The following ASB3 variants were observed in gnomAD, a reference collection of about 807,000 sequenced individuals.
ASB3 encodes the protein ankyrin repeat and SOCS box containing 3, also known as ankyrin repeat and SOCS box protein 3.
A neutral mutation model predicts 54.5 loss-of-function variants in ASB3; 41 were observed. That is an observed-to-expected ratio of 0.75 (90% CI 0.59 to 0.98). ASB3 has a LOEUF of 0.98. ASB3 is among the 50% of genes least tolerant of loss of function. The probability of loss-of-function intolerance (pLI) is 0.00; values close to 1 mark genes in which losing one functional copy is unlikely to be tolerated. For synonymous variants in ASB3, 266 were observed against 221.2 expected (o/e 1.20, Z -1.80); for missense variants, 733 against 620.0 (o/e 1.18, Z -1.94).
intron 8 of ASB3, among the ~76,000 whole-genome samples, chr2:53,696,383 G>A (rs576079954): frequency 6.6e-6 from 1 of 152,146 alleles, no homozygotes; most frequent in Non-Finnish European, 1.5e-5. Flanking sequence ...TTCACAAGTG[G>A]GGGAAAATGG....
chr2:53,758,139 C>G (rs1029754299), intron 2 of ASB3, among the ~76,000 whole-genome samples: 2 of 152,240 alleles, frequency 1.3e-5, no homozygotes, highest in African/African-American at 2.4e-5. Flanking sequence ...TGAAGGTCTT[C>G]TCTGTGACCC....
chr2:53,703,338 C>T (rs775947015), intron 7 of ASB3, among the ~76,000 whole-genome samples: 4 of 152,192 alleles, frequency 2.6e-5, no homozygotes, highest in African/African-American at 7.2e-5. Context: ...GAGGAGACAC[C>T]TTTCCATCAT....
intron 9 of ASB3, among the ~76,000 whole-genome samples, chr2:53,674,893 T>C (rs1668000808): frequency 2.6e-5 from 4 of 151,914 alleles, no homozygotes; most frequent in Admixed American, 2.6e-4. Flanking sequence ...GATTAGGACA[T>C]GAAGTCAAAA....
intron 5 of ASB3, among the ~76,000 whole-genome samples, chr2:53,721,319 C>T (rs1429208163): frequency 1.3e-5 from 2 of 149,120 alleles, no homozygotes; most frequent in Non-Finnish European, 3.0e-5. Context: ...TTTTGGGAGG[C>T]CAAGGCAGGC....
intron 2 of ASB3, among the ~76,000 whole-genome samples, chr2:53,751,185 T>G (rs1451131699): frequency 2.0e-5 from 3 of 152,180 alleles, no homozygotes; most frequent in Non-Finnish European, 4.4e-5. Flanking sequence ...TCTTCTCTAA[T>G]TTTTGGTGAA....
At chr2:53,724,889 A>G (rs1670908240) in intron 5 of ASB3, among the ~76,000 whole-genome samples, 1 of 152,204 alleles carries the variant, frequency 6.6e-6, no homozygotes, top group Non-Finnish European at 1.5e-5. Context: ...TTTCTCAAAG[A>G]ACTTAAAACT....
chr2:53,705,480 T>C (rs530510896), intron 7 of ASB3, among the ~76,000 whole-genome samples: 2 of 152,236 alleles, frequency 1.3e-5, no homozygotes, highest in Non-Finnish European at 1.5e-5. Flanking sequence ...CTTTTCTTTT[T>C]CTTCTTTGAT....
intron 7 of ASB3, among the ~76,000 whole-genome samples, chr2:53,704,507 T>C (rs1036364926): frequency 6.6e-6 from 1 of 152,222 alleles, no homozygotes; most frequent in Non-Finnish European, 1.5e-5. Flanking sequence ...AATTTTAAGA[T>C]GCTTACTTAT....
intron 1 of ASB3, among the ~76,000 whole-genome samples, chr2:53,772,104 G>T (rs1673962153): frequency 6.6e-6 from 1 of 152,028 alleles, no homozygotes; most frequent in South Asian, 2.1e-4. Flanking sequence ...GAAAACTGAG[G>T]CCAATAAGAA....
At chr2:53,764,812 A>C (rs1673344919) in intron 2 of ASB3, among the ~76,000 whole-genome samples, 1 of 152,170 alleles carries the variant, frequency 6.6e-6, no homozygotes, top group East Asian at 1.9e-4. Flanking sequence ...CATCTGTTTT[A>C]TTATCTCTAC....
chr2:53,741,613 G>A (rs1451925854), intron 3 of ASB3, among the ~76,000 whole-genome samples: 2 of 152,066 alleles, frequency 1.3e-5, no homozygotes, highest in Non-Finnish European at 2.9e-5. Context: ...TGGGGTTGAG[G>A]GAGATTTTAT....
At chr2:53,695,319 C>T (rs2193683) in intron 8 of ASB3, among the ~76,000 whole-genome samples, 78,972 of 151,882 alleles carry the variant, frequency 0.52, 20,949 homozygotes, top group East Asian at 0.63. Flanking sequence ...ACTTAAAGGG[C>T]AGCACAGATG....
rs372986962 is a variant in ASB3 at position 53,692,646 on chromosome 2, G to C, written c.1369+1238C>G. Among the ~76,000 whole-genome samples the C allele has an allele frequency of 5.3e-5, 8 of 152,176 alleles. No homozygotes were observed. The South Asian group carries it at 1.2e-3, about 24-fold the overall frequency. On this transcript the variant is annotated intron_variant, in intron 9 of 9. Transcript: ENST00000263634. Reference sequence around the variant, plus strand: ...CTGGACAAACTTGCCATATGTTAAGGTCTTAAGGGTAAACTCTCATATATC... The same window carrying C: ...CTGGACAAACTTGCCATATGTTAAGCTCTTAAGGGTAAACTCTCATATATC...
At chr2:53,715,855 ACT>A (rs1670359028) in intron 6 of ASB3, among the ~76,000 whole-genome samples, 1 of 152,198 alleles carries the variant, frequency 6.6e-6, no homozygotes. Flanking sequence ...TTTTACTATT[ACT>A]TTTTAAATTA....
intron 7 of ASB3, among the ~76,000 whole-genome samples, chr2:53,706,539 C>T (rs540590192): frequency 1.9e-4 from 29 of 151,936 alleles, no homozygotes; most frequent in Admixed American, 5.9e-4. Context: ...TCTGCCTCCC[C>T]GGTTCACGCC....
intron 3 of ASB3, among the ~76,000 whole-genome samples, chr2:53,740,942 A>G (rs1052737782): frequency 6.6e-6 from 1 of 152,254 alleles, no homozygotes; most frequent in African/African-American, 2.4e-5. Flanking sequence ...TTTGATTTAG[A>G]TAACACATCC....
At chr2:53,745,128 C>T (rs1558555156) in intron 3 of ASB3, among the ~76,000 whole-genome samples, 1 of 152,118 alleles carries the variant, frequency 6.6e-6, no homozygotes, top group Admixed American at 6.5e-5. Flanking sequence ...GGATTTTTCA[C>T]TTAGAATTTA....
chr2:53,672,899 T>C (rs2103621684), intron 9 of ASB3, among the ~76,000 whole-genome samples: 1 of 152,356 alleles, frequency 6.6e-6, no homozygotes, highest in Middle Eastern at 3.4e-3. Flanking sequence ...TGCATTCTAC[T>C]TTGCCTTAAC....
Position 53,742,899 on chromosome 2 carries a change from A to T in ASB3, c.355+7884T>A, listed in dbSNP as rs1672012764. 2.0e-5 allele frequency among the ~76,000 whole-genome samples: 3 copies of T among 152,224 alleles called. No homozygotes were observed. In the South Asian group the frequency reaches 6.2e-4, roughly 32 times the overall value. On this transcript the variant is annotated intron_variant, in intron 3 of 9. Coordinates refer to ENST00000263634, the MANE Select transcript of ASB3 (RefSeq NM_016115.5). ...TATTTAAAGATATAATTCCAGAAAGATTAACTAAAATTTAAAATATCCAAG... is the reference window on the plus strand; with the variant it reads ...TATTTAAAGATATAATTCCAGAAAGTTTAACTAAAATTTAAAATATCCAAG...
Sources: gnomAD v4.1 joint callset for allele counts (sites outside exome capture counted in the v4.1 genomes callset) on GRCh38, gnomAD v4.1.1 for gene constraint, MANE v1.5 for transcripts, NCBI Gene and HGNC (gene_info 2026-07-23, HGNC 2026-07-21) for gene names.